ZNF273: variants seen among roughly 807,000 people sequenced by gnomAD.
ZNF273 encodes zinc finger protein 273.
In ZNF273, 11 loss-of-function variants were observed where a neutral mutation model predicts 14.9. The observed-to-expected ratio is 0.74, with a 90% CI of 0.46 to 1.22. The LOEUF is 1.22. Among genes scored for constraint, ZNF273 ranks in the 50% most tolerant of loss-of-function variants. The pLI is 0.00. For missense variants in ZNF273, 577 were observed against 660.6 expected (o/e 0.87, Z 1.39); for synonymous variants, 199 against 223.9 (o/e 0.89, Z 0.99).
At chr7:64,893,562 C>CATGT (rs1486029966), downstream of ZNF273, 2 of 152,216 alleles carry the variant, frequency 1.3e-5, no homozygotes, top group Non-Finnish European at 2.9e-5. Context: ...CCGGTATGAA[C>CATGT]ATGTCATGCA....
chr7:64,910,201 G>T (rs1793389674), intron 1 of ZNF273, among the ~76,000 whole-genome samples: 1 of 151,854 alleles, frequency 6.6e-6, no homozygotes, highest in African/African-American at 2.4e-5. Context: ...GTCCATTTCT[G>T]CTTTTGTTGC....
upstream of ZNF273, among the ~76,000 whole-genome samples, chr7:64,900,363 T>C (rs1247840237): frequency 6.6e-6 from 1 of 152,162 alleles, no homozygotes; most frequent in Non-Finnish European, 1.5e-5. Flanking sequence ...TGGGCTCAAG[T>C]GATCCATCCA....
chr7:64,907,534 C>T (rs1349604731), intron 1 of ZNF273, among the ~76,000 whole-genome samples: 1 of 152,134 alleles, frequency 6.6e-6, no homozygotes, highest in Non-Finnish European at 1.5e-5. Context: ...ACAGTAACCC[C>T]AGTGTATAGA....
At position 64,928,512 on chromosome 7, in the gene ZNF273, T is replaced by C; in HGVS notation, c.1184T>C (p.Val395Ala). The change falls in exon 4 of 4, where the codon GTT becomes GCT. Residue 395 changes from valine to alanine, a missense_variant. Val to Ala is a moderately conservative substitution (Grantham distance 64). This residue lies in a region of ZNF273 where 411 missense variants were observed against 440.4 expected (regional missense o/e 0.93). Transcript: ENST00000476120. Reference sequence around the variant, plus strand: ...TCAACCCTTACTAGACATAAGATAGTTCATACTGGAGAGAAACCCTACAAA... The same window carrying C: ...TCAACCCTTACTAGACATAAGATAGCTCATACTGGAGAGAAACCCTACAAA... ...QSSTLTRHKI[V>A]HTGEKPYKCE... is the part of the protein sequence containing the mutation. The C allele has an allele frequency of 6.2e-7, 1 of 1,613,828 alleles. No homozygotes were observed. The highest frequency in any genetic ancestry group is 1.3e-5 in the African/African-American group (1 of 75,024).
At chr7:64,919,522 A>G (rs953516065) in intron 3 of ZNF273, among the ~76,000 whole-genome samples, 1 of 152,022 alleles carries the variant, frequency 6.6e-6, no homozygotes, top group Admixed American at 6.6e-5. Context: ...TACGCCAGCT[A>G]CTTGGGAGGC....
intron 3 of ZNF273, among the ~76,000 whole-genome samples, chr7:64,896,631 A>T (rs759539901): frequency 8.5e-5 from 13 of 152,116 alleles, no homozygotes; most frequent in Non-Finnish European, 1.6e-4. Flanking sequence ...CTTTTCAGTG[A>T]AAAATGCTTA....
At chr7:64,889,003 A>G (rs1031405328), downstream of ZNF273, 8 of 985,862 alleles carry the variant, frequency 8.1e-6, no homozygotes, top group African/African-American at 1.4e-4. The surrounding 1 kb of genome is among the most constrained non-coding windows in gnomAD (Gnocchi z 4.2). Flanking sequence ...CAAGGGGCCA[A>G]GCAGAACCGC....
chr7:64,912,826 G>GTTTTTTTTT lies in ZNF273; in HGVS notation c.103-4743_103-4735dup, dbSNP rs71061324. Among the ~76,000 whole-genome samples the GTTTTTTTTT allele has an allele frequency of 3.5e-3, 129 of 36,550 alleles. 23 individuals are homozygous for GTTTTTTTTT. Among genetic ancestry groups the GTTTTTTTTT allele is most frequent in the Non-Finnish European group, 4.8e-3 (84 of 17,632 alleles). The allele number at this position is 36,550 out of a possible 152,430, so 24.0% of individuals were successfully genotyped here. A position where few individuals can be genotyped will look rare whatever the true frequency, so the allele number is the denominator to read the frequency against. The stretch of plus-strand genomic sequence containing the variant: ...TCTTTTTGACTCAGGATTCATTTTA[G>GTTTTTTTTT]TTTTTTTTTTTTTTTTTTTTGAGAT... On this transcript the variant is annotated intron_variant, in intron 1 of 3. Coordinates refer to ENST00000476120, the MANE Select transcript of ZNF273 (RefSeq NM_021148.3).
chr7:64,896,299 A>G (rs927140497), intron 3 of ZNF273, among the ~76,000 whole-genome samples: 1 of 152,112 alleles, frequency 6.6e-6, no homozygotes. Flanking sequence ...CTAAATGTCT[A>G]ATATATTTGG....
chr7:64,917,188 A>G (rs1794069073), intron 1 of ZNF273: 1 of 995,064 alleles, frequency 1.0e-6, no homozygotes, highest in Non-Finnish European at 1.3e-6. Flanking sequence ...CTGCATAACA[A>G]GATCTCCAGT....
At position 64,929,540 on chromosome 7, in the gene ZNF273, A is replaced by G. The variant is rs1262693317; in HGVS notation, c.*502A>G. ...AAAACATGGGAGGAATTACACTAAA[A>G]TATATTTTTGCAAATGCAGCAGTAA... On this transcript the variant is annotated 3_prime_UTR_variant, in exon 4 of 4. Transcript: ENST00000476120. 1.3e-5 allele frequency: 2 copies of G among 152,322 alleles called. No individual in the cohort carries two copies. The highest frequency in any genetic ancestry group is 4.8e-5 in the African/African-American group (2 of 41,470). 9.4% of individuals were successfully genotyped at this position (152,322 alleles called of 1,614,324 possible). A position where few individuals can be genotyped will look rare whatever the true frequency, so the allele number is the denominator to read the frequency against.
downstream of ZNF273, among the ~76,000 whole-genome samples, chr7:64,892,895 AGTGG>A (rs1792120380): frequency 6.6e-6 from 1 of 152,068 alleles, no homozygotes; most frequent in African/African-American, 2.4e-5. Flanking sequence ...GTGGGTCTTA[AGTGG>A]GTCTTCTTCC....
At chr7:64,913,859 G>T (rs1212057456) in intron 1 of ZNF273, among the ~76,000 whole-genome samples, 1 of 152,036 alleles carries the variant, frequency 6.6e-6, no homozygotes, top group East Asian at 1.9e-4. Context: ...TAGCTAAGTG[G>T]TTATCAGCTC....
rs1382197460 is a variant in ZNF273 at position 64,905,955 on chromosome 7, A to G, written c.102+2536A>G. The stretch of plus-strand genomic sequence containing the variant: ...GTTTCAGGGAGAGAAATAATATCTA[A>G]TTATATAGTCCATTTGTTAAAAATT... On this transcript the variant is annotated intron_variant, in intron 1 of 3. Coordinates refer to ENST00000476120, the MANE Select transcript of ZNF273 (RefSeq NM_021148.3). Among the ~76,000 whole-genome samples, 2 of 152,170 alleles carry G rather than the reference A, an allele frequency of 1.3e-5. 1 individual carries two copies. Among genetic ancestry groups the G allele is most frequent in the Admixed American group, 1.3e-4 (2 of 15,282 alleles).
upstream of ZNF273, among the ~76,000 whole-genome samples, chr7:64,899,782 CAG>C (rs923799985): frequency 7.0e-6 from 1 of 143,054 alleles, no homozygotes; most frequent in Non-Finnish European, 1.5e-5. Context: ...TTTTTTGAGA[CAG>C]AGTTTTGCTC....
At chr7:64,907,944 C>G (rs1009975638) in intron 1 of ZNF273, among the ~76,000 whole-genome samples, 6 of 152,230 alleles carry the variant, frequency 3.9e-5, no homozygotes, top group African/African-American at 1.2e-4. Flanking sequence ...AACATACGCA[C>G]TAGACATTGA....
intron 1 of ZNF273, chr7:64,917,124 C>T: frequency 1.6e-6 from 2 of 1,271,938 alleles, no homozygotes; most frequent in Non-Finnish European, 2.0e-6. Context: ...TACTGGTGAG[C>T]TTGTTAAAAA....
downstream of ZNF273, among the ~76,000 whole-genome samples, chr7:64,883,214 A>ACCCCCCCCCCCCCC (rs57594044): frequency 4.1e-5 from 5 of 121,684 alleles, no homozygotes; most frequent in Non-Finnish European, 8.6e-5. Context: ...CCAAATCACC[A>ACCCCCCCCCCCCCC]CCCCCCCCTC....
downstream of ZNF273, among the ~76,000 whole-genome samples, chr7:64,880,846 C>G (rs1791228852): frequency 6.6e-6 from 1 of 152,086 alleles, no homozygotes; most frequent in Non-Finnish European, 1.5e-5. Flanking sequence ...AGTCCTGTGC[C>G]CAGGACTCCT....
Sources: allele counts gnomAD v4.1 joint callset (sites outside exome capture counted in the v4.1 genomes callset), GRCh38; gene constraint gnomAD v4.1.1; regional missense constraint gnomAD v4.1.1; non-coding constraint Gnocchi (gnomAD v3.1); transcripts MANE v1.5; gene names NCBI Gene and HGNC (gene_info 2026-07-23, HGNC 2026-07-21).